ANKRD30A: variants seen among roughly 807,000 people sequenced by gnomAD.
The protein encoded by ANKRD30A is ankyrin repeat domain-containing protein 30A.
Under a neutral mutation model 166.3 loss-of-function variants are expected in ANKRD30A, and 170 were observed. The observed-to-expected ratio is 1.02, with a 90% CI of 0.90 to 1.16. The LOEUF is 1.16. Ranked by LOEUF, ANKRD30A falls within the 50% of genes most tolerant of loss-of-function variation. The pLI, the probability that ANKRD30A is intolerant of heterozygous loss-of-function variation, is 0.00. For synonymous variants in ANKRD30A, 564 were observed against 508.9 expected (o/e 1.11, Z -1.46); for missense variants, 1,630 against 1,518.0 (o/e 1.07, Z -1.23).
intron 24 of ANKRD30A, among the ~76,000 whole-genome samples, chr10:37,178,051 C>T (rs866804716): frequency 6.5e-3 from 976 of 150,476 alleles, no homozygotes; most frequent in African/African-American, 0.022. Context: ...CTGAGAAAGA[C>T]AGAGCGTACA....
At chr10:37,172,366 A>G (rs1211381244) in intron 21 of ANKRD30A, among the ~76,000 whole-genome samples, 1 of 124,268 alleles carries the variant, frequency 8.0e-6, no homozygotes, top group Non-Finnish European at 1.7e-5. Flanking sequence ...AGAATGCATT[A>G]TATTGCTTTT....
At chr10:37,200,067 CG>C (rs1841497676) in intron 30 of ANKRD30A, among the ~76,000 whole-genome samples, 1 of 151,916 alleles carries the variant, frequency 6.6e-6, no homozygotes, top group African/African-American at 2.4e-5. Context: ...ATCTGAAGTA[CG>C]TTTGTCTAAA....
At chr10:37,138,758 A>G (rs183908152) in intron 6 of ANKRD30A, among the ~76,000 whole-genome samples, 43 of 152,348 alleles carry the variant, frequency 2.8e-4, no homozygotes, top group African/African-American at 1.0e-3. Context: ...TGATTGGTGT[A>G]CCTGAAAGTG....
intron 31 of ANKRD30A, among the ~76,000 whole-genome samples, chr10:37,206,180 G>A (rs1281625561): frequency 1.3e-5 from 2 of 152,130 alleles, no homozygotes; most frequent in Non-Finnish European, 2.9e-5. Flanking sequence ...CTAAAGAATA[G>A]CAATTGTGAG....
In ANKRD30A at chr10:37,129,999, C is replaced by G; in HGVS notation, c.328C>G (p.Leu110Val). 6.5e-7 allele frequency: 1 copy of G among 1,536,670 alleles called. No homozygotes were observed. The highest frequency in any genetic ancestry group is 2.4e-5 in the East Asian group (1 of 41,562). ...CCTTGATGGCGAACACAGGACACCT[C>G]TGATGAAGGTAAATAGTAGCCAGAT... ...DVLDGEHRTPLMKALQCHQEA... is the reference protein window; with the variant it reads ...DVLDGEHRTPVMKALQCHQEA... The change falls in exon 2 of 36, where the codon CTG becomes GTG. Residue 110 changes from leucine to valine, a missense_variant. This residue lies in a region of ANKRD30A where 904 missense variants were observed against 818.5 expected (regional missense o/e 1.10). Coordinates refer to ENST00000361713, the MANE Select transcript of ANKRD30A (RefSeq NM_052997.3).
chr10:37,228,216 A>C (rs928084782), intron 34 of ANKRD30A, among the ~76,000 whole-genome samples: 7 of 152,042 alleles, frequency 4.6e-5, no homozygotes, highest in African/African-American at 1.4e-4. Flanking sequence ...TAGTGAAATT[A>C]GTTGTTTGAA....
At chr10:37,196,598 T>C (rs1291283760) in intron 27 of ANKRD30A, among the ~76,000 whole-genome samples, 1 of 152,190 alleles carries the variant, frequency 6.6e-6, no homozygotes, top group Non-Finnish European at 1.5e-5. Context: ...GTTATTTATG[T>C]TTAATTCATC....
chr10:37,158,664 C>T (rs1838580443), intron 15 of ANKRD30A, 78 bp downstream of exon 15: 3 of 1,562,970 alleles, frequency 1.9e-6, no homozygotes, highest in Non-Finnish European at 1.7e-6. Flanking sequence ...TTTTCATTCC[C>T]AATGTTGTTT....
At chr10:37,248,028 G>GAA in the ANKRD30A span, 47 of 309,830 alleles carry the variant, frequency 1.5e-4, no homozygotes, top group South Asian at 2.9e-4. Context: ...AAGTAAAACT[G>GAA]AAAAAAAAAA....
Position 37,141,720 on chromosome 10 carries a change from G to A in ANKRD30A, c.823G>A (p.Gly275Arg). ...SKNHQNTNPE[G>R]TSAGTPDEAA... Reference sequence around the variant, plus strand: ...TAACCAGATTGTGTGTTTGGCAGAAGGAACATCTGCAGGAACACCTGATGA... The same window carrying A: ...TAACCAGATTGTGTGTTTGGCAGAAAGAACATCTGCAGGAACACCTGATGA... The change falls in exon 7 of 36, where the codon GGA becomes AGA. Residue 275 changes from glycine to arginine, a missense_variant and splice_region_variant. Transcript: ENST00000361713. 1.9e-6 allele frequency: 3 copies of A among 1,611,832 alleles called. No homozygotes were observed. The highest frequency in any genetic ancestry group is 2.5e-6 in the Non-Finnish European group (3 of 1,179,818).
chr10:37,256,626 C>T, the ANKRD30A span, among the ~76,000 whole-genome samples: 5 of 152,132 alleles, frequency 3.3e-5, no homozygotes, highest in African/African-American at 1.2e-4. Flanking sequence ...CATTTTAAGG[C>T]TATAATCTAT....
chr10:37,229,702 G>A lies in ANKRD30A; in HGVS notation c.4186-1759G>A, dbSNP rs369767692. ...ATTTAAAATTGCTTTCTGAATCACTGACTTATAAGGAAACAAATATACAAT... is the reference window on the plus strand; with the variant it reads ...ATTTAAAATTGCTTTCTGAATCACTAACTTATAAGGAAACAAATATACAAT... On this transcript the variant is annotated intron_variant, in intron 34 of 35. Transcript: ENST00000361713. 1.1e-4 allele frequency among the ~76,000 whole-genome samples: 17 copies of A among 151,908 alleles called. No homozygotes were observed. In the East Asian group the frequency reaches 3.3e-3, roughly 30 times the overall value.
At chr10:37,263,809 C>CT in the ANKRD30A span, among the ~76,000 whole-genome samples, 1 of 152,078 alleles carries the variant, frequency 6.6e-6, no homozygotes, top group Non-Finnish European at 1.5e-5. Context: ...GCCCACTGCC[C>CT]TAAGAGACAG....
rs906313081 is a variant in ANKRD30A at position 37,136,513 on chromosome 10, C to A, written c.756-94C>A. ...GTTCTGATGTTAGTTCTGATATTGT[C>A]TGAAATGCTCTAAGAACTTAATAAA... On this transcript the variant is annotated intron_variant, in intron 5 of 35. Transcript: ENST00000361713. 1.0e-4 allele frequency: 58 copies of A among 579,632 alleles called. No individual in the cohort carries two copies. In the African/African-American group the frequency reaches 1.1e-3, roughly 11 times the overall value. The allele number at this position is 579,632 out of a possible 1,614,324, so 35.9% of individuals were successfully genotyped here. A position where few individuals can be genotyped will look rare whatever the true frequency, so the allele number is the denominator to read the frequency against.
At chr10:37,234,461 T>C (rs116044915), downstream of ANKRD30A, among the ~76,000 whole-genome samples, 2 of 152,302 alleles carry the variant, frequency 1.3e-5, no homozygotes, top group African/African-American at 4.8e-5. Flanking sequence ...TTTAAAGTTT[T>C]TTTTTAGGTT....
chr10:37,238,545 G>A, the ANKRD30A span, among the ~76,000 whole-genome samples: 1 of 152,124 alleles, frequency 6.6e-6, no homozygotes, highest in South Asian at 2.1e-4. Context: ...ATTCTCTACA[G>A]AGTTCATATT....
intron 13 of ANKRD30A, among the ~76,000 whole-genome samples, chr10:37,153,879 A>T (rs1440146863): frequency 6.6e-6 from 1 of 152,212 alleles, no homozygotes; most frequent in Non-Finnish European, 1.5e-5. Context: ...TTTGAATTCA[A>T]GATATTGCAA....
intron 13 of ANKRD30A, among the ~76,000 whole-genome samples, chr10:37,154,449 G>T (rs112041894): frequency 0.024 from 3,721 of 152,196 alleles, 156 homozygotes; most frequent in African/African-American, 0.085. Context: ...GGAAAAATGT[G>T]GAAGAACAAT....
chr10:37,125,926 TC>T lies in ANKRD30A; in HGVS notation c.142del (p.Arg48GlyfsTer10). The stretch of plus-strand genomic sequence containing the variant: ...TCTTAGAAAGATCCATAAAGCTGCC[TC>T]CCGGGGACAAGTCCGGAAGCTGGAG... Reference protein sequence around the residue: ...GDLRKIHKAASRGQVRKLEKM... With the variant: ...GDLRKIHKAAXRGQVRKLEKM... On this transcript the variant is annotated frameshift_variant, in exon 1 of 36. Coordinates refer to ENST00000361713, the MANE Select transcript of ANKRD30A (RefSeq NM_052997.3). LOFTEE classifies it high-confidence loss of function. 6.2e-7 allele frequency: 1 copy of T among 1,611,342 alleles called. No individual in the cohort carries two copies. The highest frequency in any genetic ancestry group is 8.5e-7 in the Non-Finnish European group (1 of 1,179,370).
Sources: gnomAD v4.1 joint callset for allele counts (sites outside exome capture counted in the v4.1 genomes callset) on GRCh38, gnomAD v4.1.1 for gene constraint, gnomAD v4.1.1 regional missense constraint, MANE v1.5 for transcripts, NCBI Gene and HGNC (gene_info 2026-07-23, HGNC 2026-07-21) for gene names.